Variants in FCHSD2 observed in about 807,000 individuals in gnomAD.
The protein encoded by FCHSD2 is FCH and double SH3 domains 2.
FCHSD2 carries 38 observed loss-of-function variants against 108.1 expected under a neutral mutation model. The observed-to-expected ratio is 0.35, with a 90% CI of 0.27 to 0.46. FCHSD2 has a LOEUF of 0.46. FCHSD2 is among the 20% of genes least tolerant of loss of function. The pLI, the probability that FCHSD2 is intolerant of heterozygous loss-of-function variation, is 1.00. For missense variants in FCHSD2, 751 were observed against 897.8 expected (o/e 0.84, Z 2.09); for synonymous variants, 279 against 314.7 (o/e 0.89, Z 1.20).
At chr11:73,060,173 A>C (rs928079478) in intron 3 of FCHSD2, among the ~76,000 whole-genome samples, 6 of 152,214 alleles carry the variant, frequency 3.9e-5, no homozygotes, top group African/African-American at 1.4e-4. Context: ...AATGAATGCA[A>C]ATGCAGCCAC....
chr11:72,848,665 T>C (rs958726324), intron 14 of FCHSD2, among the ~76,000 whole-genome samples: 5 of 152,226 alleles, frequency 3.3e-5, no homozygotes, highest in African/African-American at 4.8e-5. Flanking sequence ...TAAATAGATG[T>C]TCATAGTCTA....
chr11:72,839,178 G>T (rs992811281), intron 19 of FCHSD2, among the ~76,000 whole-genome samples: 3 of 152,216 alleles, frequency 2.0e-5, no homozygotes, highest in Admixed American at 1.3e-4. Context: ...GCAAGGGAGA[G>T]CAATGCTTAG....
intron 8 of FCHSD2, among the ~76,000 whole-genome samples, chr11:72,947,229 AATTT>A (rs1414431718): frequency 6.6e-6 from 1 of 152,180 alleles, no homozygotes; most frequent in Non-Finnish European, 1.5e-5. Context: ...TTTATGTTCA[AATTT>A]ATTTAAACTT....
chr11:72,930,520 G>T (rs1211840653), intron 8 of FCHSD2, among the ~76,000 whole-genome samples: 2 of 152,210 alleles, frequency 1.3e-5, no homozygotes, highest in African/African-American at 4.8e-5. Context: ...GGGATCAGGA[G>T]GATCACCTGA....
intron 8 of FCHSD2, chr11:72,940,422 T>G: frequency 1.7e-6 from 1 of 590,522 alleles, no homozygotes; most frequent in South Asian, 2.0e-5. Context: ...GTAATGAGGT[T>G]AGTATAATAT....
At chr11:72,976,506 T>G (rs966991662) in intron 8 of FCHSD2, among the ~76,000 whole-genome samples, 1 of 152,000 alleles carries the variant, frequency 6.6e-6, no homozygotes, top group Non-Finnish European at 1.5e-5. Context: ...TCTCAAACGC[T>G]TGGACTCAAG....
chr11:72,941,074 A>G (rs1257873002), intron 8 of FCHSD2: 2 of 614,480 alleles, frequency 3.3e-6, no homozygotes, highest in Non-Finnish European at 5.9e-6. Context: ...GGCAGCTTAG[A>G]GAAGGCGCAA....
chr11:72,911,598 T>G (rs7102424), intron 9 of FCHSD2, among the ~76,000 whole-genome samples: 2,904 of 152,288 alleles, frequency 0.019, 53 homozygotes, highest in African/African-American at 0.049. Context: ...TTAAGAATAT[T>G]TATTCTCCCA....
intron 14 of FCHSD2, among the ~76,000 whole-genome samples, chr11:72,844,580 G>C (rs1159072051): frequency 1.3e-5 from 2 of 152,136 alleles, no homozygotes; most frequent in Non-Finnish European, 2.9e-5. Context: ...AGAGGGGCTG[G>C]AAAGTCCGTG....
intron 2 of FCHSD2, among the ~76,000 whole-genome samples, chr11:73,086,565 AG>A (rs1207223170): frequency 1.3e-5 from 2 of 152,358 alleles, no homozygotes; most frequent in Admixed American, 1.3e-4. Context: ...CAAAGACAGT[AG>A]AAAAATAACA....
At chr11:73,047,433 GA>G (rs940882968) in intron 3 of FCHSD2, among the ~76,000 whole-genome samples, 2 of 152,016 alleles carry the variant, frequency 1.3e-5, no homozygotes, top group African/African-American at 4.8e-5. Flanking sequence ...ATTATATTTT[GA>G]AAAAATTAAC....
intron 3 of FCHSD2, among the ~76,000 whole-genome samples, chr11:73,045,516 C>A (rs925483574): frequency 2.6e-5 from 4 of 151,972 alleles, no homozygotes; most frequent in African/African-American, 9.7e-5. Context: ...TTGGAACCAA[C>A]CCAGATGTCC....
intron 14 of FCHSD2, among the ~76,000 whole-genome samples, chr11:72,847,663 A>G (rs962101742): frequency 2.6e-5 from 4 of 151,886 alleles, no homozygotes; most frequent in African/African-American, 9.7e-5. Context: ...AAAAGTTATG[A>G]ACATTCTTAA....
At chr11:73,011,566 T>TA (rs1342029646) in intron 4 of FCHSD2, among the ~76,000 whole-genome samples, 1 of 152,234 alleles carries the variant, frequency 6.6e-6, no homozygotes, top group East Asian at 1.9e-4. Flanking sequence ...GGCAGGGCTC[T>TA]AAAATAGTGC....
At chr11:72,853,604 G>A (rs780326171) in intron 13 of FCHSD2, among the ~76,000 whole-genome samples, 8 of 151,986 alleles carry the variant, frequency 5.3e-5, no homozygotes, top group Non-Finnish European at 1.0e-4. Flanking sequence ...TAGTAGAGAT[G>A]GGGTTTTACC....
chr11:72,843,365 C>T (rs746671526), intron 15 of FCHSD2, 37 bp from the exon 16 acceptor site: 1 of 1,482,936 alleles, frequency 6.7e-7, no homozygotes, highest in East Asian at 2.3e-5. Flanking sequence ...AGTTTACACA[C>T]ACAATTTAGA....
Position 73,142,142 on chromosome 11 carries a change from A to C in FCHSD2, c.-265T>G. On this transcript the variant is annotated 5_prime_UTR_variant, in exon 1 of 20. Coordinates refer to ENST00000409418, the MANE Select transcript of FCHSD2 (RefSeq NM_014824.3). Reference sequence around the variant, plus strand: ...GCGGCCCGGGGGTGTGTGAGGAAGGAGGCGGAGACGGCGAGGGGGCGGGGG... The same window carrying C: ...GCGGCCCGGGGGTGTGTGAGGAAGGCGGCGGAGACGGCGAGGGGGCGGGGG... 3.4e-6 allele frequency: 1 copy of C among 295,062 alleles called. No individual in the cohort carries two copies. The highest frequency in any genetic ancestry group is 5.7e-5 in the East Asian group (1 of 17,486). 18.3% of individuals were successfully genotyped at this position (295,062 alleles called of 1,614,324 possible).
At chr11:73,062,229 G>A (rs959753859) in intron 3 of FCHSD2, among the ~76,000 whole-genome samples, 2 of 152,276 alleles carry the variant, frequency 1.3e-5, no homozygotes, top group African/African-American at 4.8e-5. Context: ...CTGTCAGAAG[G>A]AAAACTAACA....
chr11:73,061,276 A>G (rs144756868), intron 3 of FCHSD2, among the ~76,000 whole-genome samples: 1 of 152,332 alleles, frequency 6.6e-6, no homozygotes, highest in East Asian at 1.9e-4. Context: ...TCTGGAACAG[A>G]TACTGTGCTT....
Sources: allele counts gnomAD v4.1 joint callset (sites outside exome capture counted in the v4.1 genomes callset), GRCh38; gene constraint gnomAD v4.1.1; transcripts MANE v1.5; gene names NCBI Gene and HGNC (gene_info 2026-07-23, HGNC 2026-07-21).